Variants in GSPT1 observed in about 807,000 individuals in gnomAD.
The protein encoded by GSPT1 is eukaryotic peptide chain release factor GTP-binding subunit ERF3A.
GSPT1 carries 20 observed loss-of-function variants against 72.5 expected under a neutral mutation model. The ratio of observed to expected loss-of-function variants is 0.28; its 90% confidence interval spans 0.19 to 0.40. The LOEUF (loss-of-function observed/expected upper bound fraction) is 0.40. Among genes scored for constraint, GSPT1 ranks in the 10% least tolerant of loss-of-function variants. The pLI, the probability that GSPT1 is intolerant of heterozygous loss-of-function variation, is 1.00. For synonymous variants in GSPT1, 334 were observed against 293.5 expected, an observed-to-expected ratio of 1.14 and a Z score of -1.41; for missense variants, 580 against 811.9, an observed-to-expected ratio of 0.71 and a Z score of 3.47.
intron 1 of GSPT1, among the ~76,000 whole-genome samples, chr16:11,902,404 C>CAA (rs775362322): frequency 0.079 from 4,771 of 60,696 alleles, 371 homozygotes; most frequent in African/African-American, 0.19. Flanking sequence ...GACTCTGTCT[C>CAA]AAAAAAAAAA....
chr16:11,896,919 A>G lies in GSPT1; in HGVS notation c.437-134T>C, dbSNP rs536628438. ...TCCTAATGCCTAGTGACACATAAGC[A>G]GGAAAACCTCTTTCATAGCAGAAAT... On this transcript the variant is annotated intron_variant, in intron 3 of 14. Coordinates refer to ENST00000434724, the MANE Select transcript of GSPT1 (RefSeq NM_002094.4). The G allele has an allele frequency of 1.9e-5, 12 of 646,680 alleles. 1 individual carries two copies. The South Asian group carries it at 2.3e-4, about 13-fold the overall frequency. 40.1% of individuals were successfully genotyped at this position (646,680 alleles called of 1,614,324 possible).
At chr16:11,881,855 C>T (rs1412030774) in intron 11 of GSPT1, 1 of 151,960 alleles carries the variant, frequency 6.6e-6, no homozygotes, top group Non-Finnish European at 1.5e-5. Flanking sequence ...GACAGGGTCT[C>T]CCTATGTTGC....
chr16:11,916,285 A>G (rs113679025), upstream of GSPT1, among the ~76,000 whole-genome samples: 441 of 152,326 alleles, frequency 2.9e-3, 5 homozygotes, highest in African/African-American at 0.01. Context: ...GTGGGGGGGC[A>G]GCGGCAGGCC....
At chr16:11,910,486 G>T (rs1216797391) in intron 1 of GSPT1, among the ~76,000 whole-genome samples, 1 of 152,122 alleles carries the variant, frequency 6.6e-6, no homozygotes, top group Non-Finnish European at 1.5e-5. Flanking sequence ...TTAATGAGTC[G>T]CTAGTACATA....
Position 11,915,804 on chromosome 16 carries a change from A to G in GSPT1, c.-84T>C. ...GGCCGGAGAGGAGTGGGCAACGCTG[A>G]CTGAGGGAAGGCGGCGGGGCAGAAG... On this transcript the variant is annotated 5_prime_UTR_variant, in exon 1 of 15. Transcript: ENST00000434724. The G allele has an allele frequency of 4.5e-6, 7 of 1,572,856 alleles. No homozygotes were observed. The highest frequency in any genetic ancestry group is 6.0e-6 in the Non-Finnish European group (7 of 1,162,356).
chr16:11,916,105 T>A, upstream of GSPT1: 1 of 466,786 alleles, frequency 2.1e-6, no homozygotes. Context: ...CGGCGGGAGG[T>A]GGAACTACAA....
intron 1 of GSPT1, 110 bp from the exon 2 acceptor site, chr16:11,898,145 T>C (rs923285415): frequency 4.2e-6 from 3 of 705,942 alleles, no homozygotes; most frequent in Non-Finnish European, 5.0e-6. Flanking sequence ...CAAGCCTCAA[T>C]CAATAACCCC....
At chr16:11,892,524 A>AAAT (rs61523176) in intron 5 of GSPT1, among the ~76,000 whole-genome samples, 5 of 126,712 alleles carry the variant, frequency 3.9e-5, no homozygotes, top group East Asian at 2.4e-4. Context: ...CAAAAAAAAC[A>AAAT]AAAAAAACAA....
chr16:11,875,120 T>C (rs953926468), intron 14 of GSPT1, among the ~76,000 whole-genome samples: 4 of 150,326 alleles, frequency 2.7e-5, no homozygotes, highest in Non-Finnish European at 5.9e-5. Context: ...ACCTGGGAGG[T>C]GGAGCTTGCA....
chr16:11,915,308 C>A (rs2054617725), intron 1 of GSPT1, 61 bp downstream of exon 1: 1 of 1,403,010 alleles, frequency 7.1e-7, no homozygotes, highest in Non-Finnish European at 9.2e-7. Context: ...CCGGACCGCA[C>A]CCCTACGCCA....
chr16:11,909,091 C>CA (rs2054525622), intron 1 of GSPT1, among the ~76,000 whole-genome samples: 2 of 145,648 alleles, frequency 1.4e-5, no homozygotes, highest in Admixed American at 1.4e-4. Context: ...GCAGAATGCG[C>CA]TTTTTTTTTT....
chr16:11,912,742 T>TA (rs1750580187), intron 1 of GSPT1, among the ~76,000 whole-genome samples: 1 of 152,234 alleles, frequency 6.6e-6, no homozygotes, highest in Non-Finnish European at 1.5e-5. Context: ...TAATATACAT[T>TA]AAGCCTTGTC....
intron 1 of GSPT1, among the ~76,000 whole-genome samples, chr16:11,914,756 A>C (rs1173124505): frequency 6.6e-6 from 1 of 152,252 alleles, no homozygotes; most frequent in Non-Finnish European, 1.5e-5. Context: ...AGCGTACACA[A>C]TGCTAAGGGT....
chr16:11,915,492 C>T lies in GSPT1; in HGVS notation c.229G>A (p.Val77Met). 6.4e-7 allele frequency: 1 copy of T among 1,552,936 alleles called. No individual in the cohort carries two copies. The highest frequency in any genetic ancestry group is 8.7e-7 in the Non-Finnish European group (1 of 1,151,714). The change falls in exon 1 of 15, where the codon GTG becomes ATG. Residue 77 changes from valine to methionine, a missense_variant. By Grantham distance (21) the Val-to-Met change is conservative. This residue lies in a region of GSPT1 where 327 missense variants were observed against 298.8 expected (regional missense o/e 1.09). Transcript: ENST00000434724. Reference sequence around the variant, plus strand: ...AACTCGGCGGCGTGGACGTTGGGCACGAAGGGCTTGGCGTTGACGTTGAGT... The same window carrying T: ...AACTCGGCGGCGTGGACGTTGGGCATGAAGGGCTTGGCGTTGACGTTGAGT... ...RQLNVNAKPF[V>M]PNVHAAEFVP...
At chr16:11,887,892 C>T (rs964000629) in intron 6 of GSPT1, 142 bp from the exon 7 acceptor site, 4 of 660,872 alleles carry the variant, frequency 6.1e-6, no homozygotes, top group South Asian at 4.0e-5. Flanking sequence ...GAGCCGGGTG[C>T]GGTGGCTCAC....
intron 11 of GSPT1, chr16:11,880,414 G>C (rs1279935976): frequency 6.6e-6 from 1 of 152,060 alleles, no homozygotes; most frequent in Non-Finnish European, 1.5e-5. Context: ...ACGGCACTTG[G>C]CACAATTTTA....
chr16:11,914,477 C>T (rs998369730), intron 1 of GSPT1, among the ~76,000 whole-genome samples: 3 of 152,168 alleles, frequency 2.0e-5, no homozygotes, highest in Non-Finnish European at 4.4e-5. Flanking sequence ...CTACTAGCTA[C>T]GGTCAGAAAG....
intron 1 of GSPT1, among the ~76,000 whole-genome samples, chr16:11,903,645 C>T (rs1470513461): frequency 5.9e-5 from 9 of 151,990 alleles, no homozygotes; most frequent in Admixed American, 5.3e-4. Context: ...GAACCAAGAT[C>T]GCACCACTGC....
chr16:11,915,597 C>T lies in GSPT1; in HGVS notation c.124G>A (p.Gly42Ser), dbSNP rs1157163514. Residue 42 changes from glycine (G) to serine (S), a missense_variant, in exon 1 of 15, where the codon GGC becomes AGC. Physicochemically the swap from Gly to Ser is moderately conservative, Grantham distance 56. Around this residue, in one of 6 missense-constraint regions of GSPT1, gnomAD observed 327 missense variants for 298.8 expected, o/e 1.09. Transcript: ENST00000434724. Reference protein sequence around the residue: ...DQADMEAPGPGPCGGGGSLAA... With the variant: ...DQADMEAPGPSPCGGGGSLAA... ...AGGGAGCCGCCGCCGCCGCAAGGGC[C>T]CGGCCCGGGGGCTTCCATGTCCGCC... The T allele has an allele frequency of 1.3e-6, 2 of 1,489,298 alleles. No homozygotes were observed. Among genetic ancestry groups the T allele is most frequent in the Non-Finnish European group, 8.9e-7 (1 of 1,121,682 alleles). 92.3% of individuals were successfully genotyped at this position (1,489,298 alleles called of 1,614,324 possible).
Sources: gnomAD v4.1 joint callset for allele counts (sites outside exome capture counted in the v4.1 genomes callset) on GRCh38, gnomAD v4.1.1 for gene constraint, gnomAD v4.1.1 regional missense constraint, MANE v1.5 for transcripts, NCBI Gene and HGNC (gene_info 2026-07-23, HGNC 2026-07-21) for gene names.